The following UNC5D variants were observed in gnomAD, a reference collection of about 807,000 sequenced individuals.
UNC5D encodes the protein netrin receptor UNC5D.
In UNC5D, 39 loss-of-function variants were observed where a neutral mutation model predicts 105.4. The observed-to-expected ratio is 0.37, with a 90% CI of 0.29 to 0.48. The LOEUF (loss-of-function observed/expected upper bound fraction) is 0.48, where lower values mean the gene tolerates loss of function less well. UNC5D is among the 20% of genes least tolerant of loss of function. The probability of loss-of-function intolerance (pLI) is 0.98; values close to 1 mark genes in which losing one functional copy is unlikely to be tolerated. For missense variants in UNC5D, 991 were observed against 1,202.4 expected (o/e 0.82, Z 2.60); for synonymous variants, 452 against 450.4 (o/e 1.00, Z -0.04).
chr8:35,750,536 C>G (rs189096583), intron 12 of UNC5D, 46 bp from the exon 13 acceptor site: 2 of 1,578,640 alleles, frequency 1.3e-6, no homozygotes, highest in Non-Finnish European at 1.7e-6. Context: ...AAGGTTAGAT[C>G]ACATCTTATT....
chr8:35,282,527 T>C (rs1189643712), intron 1 of UNC5D, among the ~76,000 whole-genome samples: 1 of 152,150 alleles, frequency 6.6e-6, no homozygotes, highest in Admixed American at 6.5e-5. Flanking sequence ...GATTTTTATA[T>C]TTTTGTCCCG....
chr8:35,429,621 A>G (rs1806488953), intron 1 of UNC5D, among the ~76,000 whole-genome samples: 1 of 152,166 alleles, frequency 6.6e-6, no homozygotes, highest in African/African-American at 2.4e-5. Flanking sequence ...GTATAAAATA[A>G]CACTTTTTTT....
chr8:35,595,849 A>ACTT (rs1439799589), intron 4 of UNC5D, among the ~76,000 whole-genome samples, 192 bp downstream of exon 4: 1 of 152,146 alleles, frequency 6.6e-6, no homozygotes, highest in Non-Finnish European at 1.5e-5. Flanking sequence ...TCTCCCATCT[A>ACTT]CTTCTGTGTT....
chr8:35,350,831 G>A (rs540527387), intron 1 of UNC5D, among the ~76,000 whole-genome samples: 1 of 152,052 alleles, frequency 6.6e-6, no homozygotes, highest in South Asian at 2.1e-4. Flanking sequence ...TCCAATCTGT[G>A]CACTCTCTTC....
intron 1 of UNC5D, chr8:35,255,843 G>A (rs1245442188): frequency 6.6e-6 from 1 of 152,066 alleles, no homozygotes; most frequent in East Asian, 1.9e-4. Flanking sequence ...TAAGATGAGA[G>A]CAATCAGTCT....
chr8:35,726,777 T>C, intron 10 of UNC5D: 1 of 567,280 alleles, frequency 1.8e-6, no homozygotes, highest in Admixed American at 3.2e-5. Flanking sequence ...GATAACTATA[T>C]TTGCCTGAAA....
intron 1 of UNC5D, among the ~76,000 whole-genome samples, chr8:35,305,599 T>TTCTTTCATTTCTC (rs1808315160): frequency 6.7e-6 from 1 of 149,426 alleles, no homozygotes; most frequent in African/African-American, 2.5e-5. Context: ...CTTTCTTTCT[T>TTCTTTCATTTCTC]TCTTTCTTTC....
intron 4 of UNC5D, among the ~76,000 whole-genome samples, chr8:35,679,417 T>A (rs1825501868): frequency 6.6e-6 from 1 of 152,140 alleles, no homozygotes; most frequent in African/African-American, 2.4e-5. Context: ...TGGTACCACC[T>A]ATGGGAAAGT....
rs1336540886 is a variant in UNC5D, at chr8:35,568,264, T to G, written c.466+23T>G. 3 of 1,610,700 alleles carry G rather than the reference T, an allele frequency of 1.9e-6. No individual in the cohort carries two copies. The East Asian group carries it at 6.7e-5, about 36-fold the overall frequency. ...CCTGTAAGTACATTCTGGGTGACCT[T>G]GTCTTGTAGGACCACAAATGAGAGT... is the stretch of plus-strand genomic sequence containing the variant. On this transcript the variant is annotated intron_variant, in intron 3 of 16. Coordinates refer to ENST00000404895, the MANE Select transcript of UNC5D (RefSeq NM_080872.4).
rs183716699 is a variant in UNC5D at position 35,639,258 on chromosome 8, G to T, written c.570+43601G>T. On this transcript the variant is annotated intron_variant, in intron 4 of 16. Transcript: ENST00000404895. ...ACCAAGGGGCAGGGCGACCAGGAAA[G>T]GACATCTCAAAAAGAAGGTGGAACT... 2.0e-3 allele frequency among the ~76,000 whole-genome samples: 302 copies of T among 152,292 alleles called. 2 individuals are homozygous for T. Among genetic ancestry groups the T allele is most frequent in the African/African-American group, 6.8e-3 (281 of 41,568 alleles).
chr8:35,447,853 T>C (rs1807898195), intron 1 of UNC5D, among the ~76,000 whole-genome samples: 1 of 152,132 alleles, frequency 6.6e-6, no homozygotes, highest in African/African-American at 2.4e-5. Flanking sequence ...TTCTGGAGTC[T>C]TCTGCTATAA....
intron 16 of UNC5D, among the ~76,000 whole-genome samples, chr8:35,785,510 C>G (rs1156527444): frequency 1.3e-5 from 2 of 152,082 alleles, no homozygotes; most frequent in Non-Finnish European, 2.9e-5. Flanking sequence ...CAGGCACATG[C>G]CACCATGCCT....
At chr8:35,539,258 A>G (rs562518475) in intron 1 of UNC5D, among the ~76,000 whole-genome samples, 1 of 152,316 alleles carries the variant, frequency 6.6e-6, no homozygotes, top group South Asian at 2.1e-4. Context: ...GACAATGGGT[A>G]GGAATATTTT....
At chr8:35,452,730 G>C (rs1330161331) in intron 1 of UNC5D, among the ~76,000 whole-genome samples, 1 of 152,096 alleles carries the variant, frequency 6.6e-6, no homozygotes, top group Non-Finnish European at 1.5e-5. Context: ...GACATGCTGA[G>C]AAAGAAGGAC....
chr8:35,300,510 A>G (rs1185122243), intron 1 of UNC5D, among the ~76,000 whole-genome samples: 2 of 147,656 alleles, frequency 1.4e-5, no homozygotes, highest in Admixed American at 1.3e-4. Flanking sequence ...GTAATGTTTC[A>G]TCTATTTAAA....
At chr8:35,734,873 C>G (rs1234794695) in intron 11 of UNC5D, among the ~76,000 whole-genome samples, 1 of 149,938 alleles carries the variant, frequency 6.7e-6, no homozygotes, top group Non-Finnish European at 1.5e-5. Context: ...ACCTCTGCCT[C>G]CCAGGTTCAA....
chr8:35,296,887 A>T (rs746042049), intron 1 of UNC5D, among the ~76,000 whole-genome samples: 1 of 152,230 alleles, frequency 6.6e-6, no homozygotes, highest in Admixed American at 6.5e-5. Flanking sequence ...TTTATCCTAC[A>T]TTCTAAGGGC....
At chr8:35,513,241 TC>T (rs1241520234) in intron 1 of UNC5D, among the ~76,000 whole-genome samples, 10 of 142,188 alleles carry the variant, frequency 7.0e-5, no homozygotes, top group African/African-American at 2.6e-4. Flanking sequence ...TTTTTTTTTT[TC>T]CCCTGAGACA....
chr8:35,731,399 CAAAAAAAAAAAAAAA>C lies in UNC5D; in HGVS notation c.1766+319_1766+333del, dbSNP rs57529561. The stretch of plus-strand genomic sequence containing the variant: ...CTGGGCAACAGTGAGACTCTGTCTC[CAAAAAAAAAAAAAAA>C]AAAAAAAAAAAAAAAGGGCATTTTA... On this transcript the variant is annotated intron_variant, in intron 11 of 16. Coordinates refer to ENST00000404895, the MANE Select transcript of UNC5D (RefSeq NM_080872.4). Among the ~76,000 whole-genome samples the C allele has an allele frequency of 1.8e-3, 55 of 30,654 alleles. 1 individual carries two copies. The highest frequency in any genetic ancestry group is 4.2e-3 in the Non-Finnish European group (29 of 6,840). 20.1% of individuals were successfully genotyped at this position (30,654 alleles called of 152,430 possible). A position where few individuals can be genotyped will look rare whatever the true frequency, so the allele number is the denominator to read the frequency against.
Sources: gnomAD v4.1 joint callset for allele counts (sites outside exome capture counted in the v4.1 genomes callset) on GRCh38, gnomAD v4.1.1 for gene constraint, MANE v1.5 for transcripts, NCBI Gene and HGNC (gene_info 2026-07-23, HGNC 2026-07-21) for gene names.